The following EHBP1 variants were observed in gnomAD, a reference collection of about 807,000 sequenced individuals.
The protein encoded by EHBP1 is EH domain-binding protein 1.
EHBP1 carries 55 observed loss-of-function variants against 144.0 expected under a neutral mutation model. That is an observed-to-expected ratio of 0.38 (90% CI 0.31 to 0.48). The LOEUF (loss-of-function observed/expected upper bound fraction) is 0.48. Among genes scored for constraint, EHBP1 ranks in the 20% least tolerant of loss-of-function variants. EHBP1 has a pLI of 0.98. For synonymous variants in EHBP1, 469 were observed against 472.7 expected (o/e 0.99, Z 0.10); for missense variants, 1,200 against 1,364.2 (o/e 0.88, Z 1.90).
intron 5 of EHBP1, among the ~76,000 whole-genome samples, chr2:62,774,445 T>C (rs1192399522): frequency 6.6e-6 from 1 of 151,822 alleles, no homozygotes; most frequent in East Asian, 1.9e-4. Flanking sequence ...TAAACCAAAA[T>C]TTGATATAAG....
At chr2:62,873,252 T>A (rs1573833100) in intron 9 of EHBP1, among the ~76,000 whole-genome samples, 1 of 152,124 alleles carries the variant, frequency 6.6e-6, no homozygotes, top group African/African-American at 2.4e-5. Flanking sequence ...ATTTGACAGA[T>A]AGAGACTATA....
intron 10 of EHBP1, among the ~76,000 whole-genome samples, chr2:62,907,030 A>G (rs1280995671): frequency 1.3e-5 from 2 of 152,144 alleles, no homozygotes; most frequent in South Asian, 2.1e-4. Flanking sequence ...CCACAGTTTA[A>G]CCACTCACCT....
chr2:63,045,005 G>T lies in EHBP1; in HGVS notation c.3278-61G>T. 1 of 1,262,416 alleles carries T rather than the reference G, an allele frequency of 7.9e-7. No individual in the cohort carries two copies. Among genetic ancestry groups the T allele is most frequent in the African/African-American group, 1.5e-5 (1 of 67,336 alleles). The allele number at this position is 1,262,416 out of a possible 1,614,324, so 78.2% of individuals were successfully genotyped here. A position where few individuals can be genotyped will look rare whatever the true frequency, so the allele number is the denominator to read the frequency against. On this transcript the variant is annotated intron_variant, in intron 21 of 22. Coordinates refer to ENST00000431489, the MANE Select transcript of EHBP1 (RefSeq NM_001142616.3). This position sits in a 1 kb window ranked among gnomAD's most constrained non-coding sequence, Gnocchi z 5.7. ...AAACTGGAAAAGGCGGGAAGGGGAGGGCGGGGGGCCGGGTGTTCGGAGGCC... is the reference window on the plus strand; with the variant it reads ...AAACTGGAAAAGGCGGGAAGGGGAGTGCGGGGGGCCGGGTGTTCGGAGGCC...
At chr2:62,922,241 T>C (rs1558918862) in intron 10 of EHBP1, among the ~76,000 whole-genome samples, 1 of 152,330 alleles carries the variant, frequency 6.6e-6, no homozygotes, top group East Asian at 1.9e-4. Flanking sequence ...TTTTCATCTT[T>C]ATGTTGAGTA....
chr2:62,830,923 C>G, intron 6 of EHBP1, 96 bp from the exon 7 acceptor site: 3 of 1,313,380 alleles, frequency 2.3e-6, no homozygotes. Flanking sequence ...ATTGACATAC[C>G]TTATAGAAAG....
At chr2:62,756,031 T>C (rs1452594070) in intron 3 of EHBP1, among the ~76,000 whole-genome samples, 2 of 151,376 alleles carry the variant, frequency 1.3e-5, no homozygotes, top group East Asian at 3.9e-4. Context: ...CCTAGCACTT[T>C]GGAAGGCTGA....
chr2:62,786,012 C>T (rs2042776814), intron 5 of EHBP1, among the ~76,000 whole-genome samples: 1 of 152,124 alleles, frequency 6.6e-6, no homozygotes, highest in African/African-American at 2.4e-5. Flanking sequence ...CTACTGCATT[C>T]CCGTATGTAA....
chr2:62,996,521 C>G, intron 18 of EHBP1, 122 bp from the exon 19 acceptor site: 1 of 1,229,324 alleles, frequency 8.1e-7, no homozygotes, highest in Non-Finnish European at 1.1e-6. Flanking sequence ...CTTTTTGGTA[C>G]TAAGGGTGAT....
intron 10 of EHBP1, among the ~76,000 whole-genome samples, chr2:62,879,604 G>C (rs796686197): frequency 1.6e-4 from 24 of 148,314 alleles, no homozygotes; most frequent in African/African-American, 5.2e-4. Context: ...GACAGAGAGA[G>C]AGAGAGAGGG....
chr2:62,788,264 T>G (rs1203410742), intron 5 of EHBP1, among the ~76,000 whole-genome samples: 2 of 152,188 alleles, frequency 1.3e-5, no homozygotes, highest in Non-Finnish European at 2.9e-5. Flanking sequence ...ATATAAAATA[T>G]TTGTATGTTT....
At chr2:62,909,843 C>T (rs2054074734) in intron 10 of EHBP1, among the ~76,000 whole-genome samples, 1 of 152,070 alleles carries the variant, frequency 6.6e-6, no homozygotes, top group Non-Finnish European at 1.5e-5. Context: ...CTGCAACCTC[C>T]ACCTCTCGGG....
chr2:62,947,798 T>A (rs1410736813), intron 12 of EHBP1, among the ~76,000 whole-genome samples: 1 of 152,218 alleles, frequency 6.6e-6, no homozygotes, highest in East Asian at 1.9e-4. Flanking sequence ...AATGTTTCTG[T>A]TTCTAGGCTT....
chr2:62,701,240 A>G (rs2034272831), upstream of EHBP1, among the ~76,000 whole-genome samples: 2 of 152,230 alleles, frequency 1.3e-5, no homozygotes, highest in African/African-American at 4.8e-5. Flanking sequence ...AAAAGAGTAA[A>G]GGAACAGGTA....
chr2:62,896,592 C>T (rs1425975951), intron 10 of EHBP1, among the ~76,000 whole-genome samples: 1 of 151,730 alleles, frequency 6.6e-6, no homozygotes, highest in Non-Finnish European at 1.5e-5. Context: ...GGGCTTTGAT[C>T]CTGATTTTAC....
At chr2:62,893,017 T>A (rs563935525) in intron 10 of EHBP1, among the ~76,000 whole-genome samples, 1 of 152,244 alleles carries the variant, frequency 6.6e-6, no homozygotes, top group South Asian at 2.1e-4. Context: ...AATAAAAAGA[T>A]AGTAATGAAC....
chr2:62,918,882 A>G (rs772910070), intron 10 of EHBP1, among the ~76,000 whole-genome samples: 29 of 152,310 alleles, frequency 1.9e-4, no homozygotes, highest in Admixed American at 5.9e-4. Context: ...CCCAACCGAG[A>G]CAACATTTGC....
At chr2:62,983,822 G>C (rs1239245725) in intron 15 of EHBP1, among the ~76,000 whole-genome samples, 1 of 152,230 alleles carries the variant, frequency 6.6e-6, no homozygotes, top group African/African-American at 2.4e-5. Context: ...GATTACAGGC[G>C]TGAGCCACTG....
At chr2:62,980,113 A>G (rs577274149) in intron 15 of EHBP1, among the ~76,000 whole-genome samples, 1 of 152,308 alleles carries the variant, frequency 6.6e-6, no homozygotes, top group South Asian at 2.1e-4. Flanking sequence ...AGACTCGAAT[A>G]AGACCTTAGA....
chr2:62,922,244 G>T (rs575915408), intron 10 of EHBP1, among the ~76,000 whole-genome samples: 3 of 152,278 alleles, frequency 2.0e-5, no homozygotes, highest in African/African-American at 7.2e-5. Flanking sequence ...TCATCTTTAT[G>T]TTGAGTAAGC....
Sources: allele counts gnomAD v4.1 joint callset (sites outside exome capture counted in the v4.1 genomes callset), GRCh38; gene constraint gnomAD v4.1.1; non-coding constraint Gnocchi (gnomAD v3.1); transcripts MANE v1.5; gene names NCBI Gene and HGNC (gene_info 2026-07-23, HGNC 2026-07-21).